Variants in FNTA observed in about 807,000 individuals in gnomAD.
The protein encoded by FNTA is farnesyltransferase, CAAX box, subunit alpha, also known as protein farnesyltransferase/geranylgeranyltransferase type-1 subunit alpha.
FNTA carries 27 observed loss-of-function variants against 55.2 expected under a neutral mutation model. The ratio of observed to expected loss-of-function variants is 0.49; its 90% CI spans 0.36 to 0.67. The LOEUF (loss-of-function observed/expected upper bound fraction) is 0.67, where lower values mean the gene tolerates loss of function less well. Ranked by LOEUF, FNTA falls within the 30% of genes least tolerant of loss-of-function variation. The pLI is 0.00. For synonymous variants in FNTA, 176 were observed against 170.7 expected (o/e 1.03, Z -0.24); for missense variants, 422 against 464.7 (o/e 0.91, Z 0.85).
Position 43,067,225 on chromosome 8 carries a change from T to TTA in FNTA, c.402-2325_402-2324dup, listed in dbSNP as rs1810681241. Among the ~76,000 whole-genome samples the TTA allele has an allele frequency of 7.9e-5, 12 of 152,300 alleles. 1 individual carries two copies. In the South Asian group the frequency reaches 2.5e-3, roughly 32 times the overall value. On this transcript the variant is annotated intron_variant, in intron 3 of 8. Transcript: ENST00000302279. ...AACGGTCTTGGCCGCCAAGGACTCT[T>TTA]TATATAGACTTTCCACTGTTTTTAG...
intron 5 of FNTA, among the ~76,000 whole-genome samples, chr8:43,073,983 T>C (rs555909745): frequency 2.0e-5 from 3 of 152,330 alleles, no homozygotes; most frequent in South Asian, 2.1e-4. Context: ...AATGGGACTA[T>C]GAGATCTCTA....
intron 3 of FNTA, 34 bp downstream of exon 3, chr8:43,064,249 A>G (rs750077957): frequency 7.7e-7 from 1 of 1,295,214 alleles, no homozygotes; most frequent in Non-Finnish European, 1.1e-6. Context: ...TTCCCTGCTT[A>G]AATGTTTTAC....
rs183223654 is a variant in FNTA, at chr8:43,079,173, C to T, written c.782+1809C>T. On this transcript the variant is annotated intron_variant, in intron 6 of 8. Transcript: ENST00000302279. ...AAGCTGCAGTGAGTTTTCCAGATCC[C>T]GCTCAGATCACTAATGAAGGTGGCT... The T allele has an allele frequency of 2.1e-3, 383 of 178,532 alleles. 1 individual carries two copies. Among genetic ancestry groups the T allele is most frequent in the Middle Eastern group, 2.6e-3 (1 of 386 alleles). The allele number at this position is 178,532 out of a possible 1,614,324, so 11.1% of individuals were successfully genotyped here.
At chr8:43,068,530 T>A (rs1030223121) in intron 3 of FNTA, among the ~76,000 whole-genome samples, 6 of 152,240 alleles carry the variant, frequency 3.9e-5, no homozygotes, top group Non-Finnish European at 7.3e-5. Flanking sequence ...AGAATTAATT[T>A]ATTATATGGA....
rs1563326674 is a variant in FNTA at position 43,065,535 on chromosome 8, C to CCT, written c.401+1320_401+1321insCT. ...GTACTGGGATTATAGGCGTGAGCCA[C>CCT]TGTGCACGGCTGCTGACCCACATTT... On this transcript the variant is annotated intron_variant, in intron 3 of 8. Transcript: ENST00000302279. 7.7e-4 allele frequency among the ~76,000 whole-genome samples: 117 copies of CCT among 152,104 alleles called. 1 individual carries two copies. Among genetic ancestry groups the CCT allele is most frequent in the African/African-American group, 2.7e-3 (111 of 41,320 alleles).
At chr8:43,072,424 A>G in intron 5 of FNTA, 117 bp downstream of exon 5, 2 of 615,814 alleles carry the variant, frequency 3.2e-6, no homozygotes, top group South Asian at 4.6e-5. Context: ...ATTGCACCCA[A>G]TATATAACTA....
chr8:43,085,193 A>G lies in FNTA; in HGVS notation c.1051A>G (p.Ile351Val), dbSNP rs1485191311. 1.3e-6 allele frequency: 2 copies of G among 1,577,964 alleles called. No homozygotes were observed. Among genetic ancestry groups the G allele is most frequent in the East Asian group, 2.2e-5 (1 of 44,672 alleles). Residue 351 changes from isoleucine to valine, a missense_variant, in exon 9 of 9, where the codon ATA (isoleucine) becomes GTA (valine). Coordinates refer to ENST00000302279, the MANE Select transcript of FNTA (RefSeq NM_002027.3). ...AATCCTAGCTAAAGAAAAGGACACT[A>G]TAAGAAAGGAATATTGGAGATACAT... is the stretch of plus-strand genomic sequence containing the variant. ...CEILAKEKDT[I>V]RKEYWRYIGR...
chr8:43,076,000 G>C (rs1283244286), intron 5 of FNTA, among the ~76,000 whole-genome samples: 1 of 151,702 alleles, frequency 6.6e-6, no homozygotes, highest in African/African-American at 2.4e-5. Context: ...GAGTAGCTGG[G>C]ATTCTAGGCA....
chr8:43,083,918 T>C (rs374032376), intron 7 of FNTA, among the ~76,000 whole-genome samples: 12 of 152,096 alleles, frequency 7.9e-5, no homozygotes, highest in Non-Finnish European at 1.5e-4. Context: ...ACTAAAAATA[T>C]ACAAATTAGC....
chr8:43,080,300 C>T (rs578243406), intron 6 of FNTA: 1 of 152,344 alleles, frequency 6.6e-6, no homozygotes, highest in Non-Finnish European at 1.5e-5. Context: ...CCATCTCATC[C>T]TTCAGCACCC....
At chr8:43,071,931 A>G (rs1326073043) in intron 4 of FNTA, among the ~76,000 whole-genome samples, 1 of 152,180 alleles carries the variant, frequency 6.6e-6, no homozygotes, top group African/African-American at 2.4e-5. Context: ...CAATCTAGTA[A>G]TGTTTCTTAA....
chr8:43,076,966 G>T (rs1810925998), intron 5 of FNTA: 2 of 326,198 alleles, frequency 6.1e-6, no homozygotes, highest in Admixed American at 4.7e-5. Flanking sequence ...TGAGTTTGGG[G>T]TTTTTTTCCC....
chr8:43,082,605 G>A (rs1446398774), intron 6 of FNTA: 1 of 152,094 alleles, frequency 6.6e-6, no homozygotes, highest in African/African-American at 2.4e-5. Context: ...TTTTAGATTA[G>A]TTTTGTGTCC....
At chr8:43,073,480 AC>A (rs1312405859) in intron 5 of FNTA, 1 of 152,122 alleles carries the variant, frequency 6.6e-6, no homozygotes, top group Non-Finnish European at 1.5e-5. Flanking sequence ...TGAGTTACTT[AC>A]CTGGCAGGGA....
intron 3 of FNTA, among the ~76,000 whole-genome samples, chr8:43,064,603 C>G (rs1241422820): frequency 2.0e-5 from 3 of 152,152 alleles, no homozygotes; most frequent in Admixed American, 6.5e-5. Context: ...GTGTGAGCCA[C>G]TGTGCCTGGC....
intron 5 of FNTA, among the ~76,000 whole-genome samples, 191 bp downstream of exon 5, chr8:43,072,498 G>A (rs1413972659): frequency 6.6e-6 from 1 of 152,146 alleles, no homozygotes; most frequent in African/African-American, 2.4e-5. Flanking sequence ...GGCCAAGGCA[G>A]GAGGATTGAG....
chr8:43,072,556 G>T (rs1297180001), intron 5 of FNTA, among the ~76,000 whole-genome samples: 1 of 151,746 alleles, frequency 6.6e-6, no homozygotes, highest in Admixed American at 6.6e-5. Flanking sequence ...TGAGACCCCC[G>T]TCTCTACAAA....
At chr8:43,080,595 T>C (rs1000315693) in intron 6 of FNTA, 3 of 152,228 alleles carry the variant, frequency 2.0e-5, no homozygotes, top group African/African-American at 7.2e-5. Context: ...CTGCAAGGTA[T>C]TCCTGTATTG....
chr8:43,069,517 GTAA>G (rs763510427), intron 3 of FNTA, 35 bp from the exon 4 acceptor site: 1 of 1,293,568 alleles, frequency 7.7e-7, no homozygotes, highest in Admixed American at 1.7e-5. Flanking sequence ...GAACTTCTGT[GTAA>G]TAATGCGACT....
Sources: allele counts gnomAD v4.1 joint callset (sites outside exome capture counted in the v4.1 genomes callset), GRCh38; gene constraint gnomAD v4.1.1; transcripts MANE v1.5; gene names NCBI Gene and HGNC (gene_info 2026-07-23, HGNC 2026-07-21).